PSD3: variants seen among roughly 807,000 people sequenced by gnomAD.
The protein encoded by PSD3 is PH and SEC7 domain-containing protein 3.
In PSD3, 49 loss-of-function variants were observed where a neutral mutation model predicts 105.5. The ratio of observed to expected loss-of-function variants is 0.46; its 90% confidence interval spans 0.37 to 0.59. The LOEUF (loss-of-function observed/expected upper bound fraction) is 0.59, where lower values mean the gene tolerates loss of function less well. Among genes scored for constraint, PSD3 ranks in the 20% least tolerant of loss-of-function variants. PSD3 has a pLI of 0.00. For missense variants in PSD3, 1,561 were observed against 1,263.8 expected (o/e 1.24, Z -3.57); for synonymous variants, 557 against 457.8 (o/e 1.22, Z -2.77).
At chr8:18,773,898 C>T (rs574210698) in intron 8 of PSD3, among the ~76,000 whole-genome samples, 50 of 152,242 alleles carry the variant, frequency 3.3e-4, no homozygotes, top group African/African-American at 1.2e-3. Context: ...AAAGATCTTT[C>T]CACTTTTACA....
chr8:18,696,237 C>T (rs1188095814), intron 9 of PSD3, among the ~76,000 whole-genome samples: 3 of 152,234 alleles, frequency 2.0e-5, no homozygotes, highest in African/African-American at 7.2e-5. Flanking sequence ...GCTTCCTTTC[C>T]ACCTCCTCCT....
At chr8:18,919,290 C>G (rs550768092) in intron 2 of PSD3, among the ~76,000 whole-genome samples, 48 of 152,178 alleles carry the variant, frequency 3.2e-4, no homozygotes, top group African/African-American at 1.1e-3. Flanking sequence ...TGCTTTATCT[C>G]AGAAATCTCT....
intron 11 of PSD3, among the ~76,000 whole-genome samples, chr8:18,607,421 G>A (rs994293158): frequency 6.6e-6 from 1 of 152,090 alleles, no homozygotes; most frequent in Non-Finnish European, 1.5e-5. Context: ...AGGGATCCAC[G>A]GTTATAACCT....
intron 12 of PSD3, among the ~76,000 whole-genome samples, chr8:18,588,955 C>T (rs1803397348): frequency 6.6e-6 from 1 of 152,168 alleles, no homozygotes; most frequent in Non-Finnish European, 1.5e-5. Context: ...GCTAGGTATT[C>T]AGAGAAACGG....
chr8:18,801,843 T>A (rs969793438), intron 6 of PSD3, among the ~76,000 whole-genome samples: 1 of 151,650 alleles, frequency 6.6e-6, no homozygotes, highest in African/African-American at 2.4e-5. Context: ...AAAAAAAAAA[T>A]GTCCACTTAA....
chr8:18,871,818 C>A lies in PSD3; in HGVS notation c.1046G>T (p.Gly349Val), dbSNP rs73202143. 18,192 of 1,614,194 alleles carry A rather than the reference C, an allele frequency of 0.011. 123 individuals carry two copies. Among genetic ancestry groups the A allele is most frequent in the Non-Finnish European group, 0.014 (16,405 of 1,180,024 alleles). ...KVPRHLISSA[G>V]LCNSSSLTEN... ...AGTTAAACTACTTGAATTACACAAA[C>A]CAGCTGATGAGATGAGATGGCGTGG... The change falls in exon 3 of 16, where the codon GGT becomes GTT. Residue 349 changes from glycine (G) to valine (V), a missense_variant. Physicochemically the swap from Gly to Val is moderately radical, Grantham distance 109 (BLOSUM62 -3). Coordinates refer to ENST00000327040, the MANE Select transcript of PSD3 (RefSeq NM_015310.4).
intron 1 of PSD3, among the ~76,000 whole-genome samples, chr8:18,949,838 C>G (rs953260342): frequency 6.6e-6 from 1 of 151,636 alleles, no homozygotes; most frequent in Admixed American, 6.6e-5. Flanking sequence ...AGTTCTCAGA[C>G]GAATAACACT....
At chr8:19,003,766 G>A (rs1367287661) in intron 1 of PSD3, among the ~76,000 whole-genome samples, 1 of 151,844 alleles carries the variant, frequency 6.6e-6, no homozygotes, top group Non-Finnish European at 1.5e-5. Flanking sequence ...TTGGGGACTT[G>A]GGTTGTCTTG....
intron 12 of PSD3, among the ~76,000 whole-genome samples, chr8:18,593,597 C>G (rs192798623): frequency 0.035 from 5,336 of 152,060 alleles, 294 homozygotes; most frequent in East Asian, 0.22. Flanking sequence ...CTAGAAATAC[C>G]ATTTGACCCA....
At chr8:18,760,476 G>C (rs1040492165) in intron 9 of PSD3, among the ~76,000 whole-genome samples, 1 of 151,916 alleles carries the variant, frequency 6.6e-6, no homozygotes, top group African/African-American at 2.4e-5. Flanking sequence ...AGATTCCACT[G>C]TAAGTGAGAT....
chr8:18,628,419 G>A (rs916653391), intron 11 of PSD3, among the ~76,000 whole-genome samples: 7 of 151,706 alleles, frequency 4.6e-5, no homozygotes, highest in African/African-American at 1.7e-4. Context: ...TGCAGGGCAG[G>A]GAAAAATGAA....
chr8:18,645,325 A>C (rs955050152), intron 10 of PSD3, among the ~76,000 whole-genome samples: 1 of 152,204 alleles, frequency 6.6e-6, no homozygotes, highest in African/African-American at 2.4e-5. Context: ...TTTAGCTAAC[A>C]ATTTTTTAAT....
chr8:18,584,924 C>T (rs185414696), intron 12 of PSD3, among the ~76,000 whole-genome samples: 65 of 151,970 alleles, frequency 4.3e-4, no homozygotes, highest in Non-Finnish European at 5.4e-4. Context: ...GGAGAGGGAG[C>T]GGAGGCATGT....
At chr8:18,846,308 G>A (rs370401399) in intron 4 of PSD3, among the ~76,000 whole-genome samples, 5 of 152,198 alleles carry the variant, frequency 3.3e-5, no homozygotes, top group Admixed American at 6.5e-5. Flanking sequence ...GGCACAAGTA[G>A]GCCCTTCAAC....
rs1248890963 is a variant in PSD3, at chr8:18,532,856, C to T, written c.*2887G>A. ...GGTCAATTTTGCAACAACACTATGA[C>T]CAAGGCATTCTGATAGCTGTCAAGA... On this transcript the variant is annotated 3_prime_UTR_variant, in exon 16 of 16. Transcript: ENST00000327040. 1.3e-5 allele frequency: 2 copies of T among 152,102 alleles called. No homozygotes were observed. Among genetic ancestry groups the T allele is most frequent in the African/African-American group, 2.4e-5 (1 of 41,404 alleles). The allele number at this position is 152,102 out of a possible 1,614,324, so 9.4% of individuals were successfully genotyped here.
intron 1 of PSD3, among the ~76,000 whole-genome samples, chr8:19,078,840 C>T (rs1506896): frequency 0.59 from 88,805 of 150,566 alleles, 27,522 homozygotes; most frequent in Middle Eastern, 0.72. Flanking sequence ...GGGAGATGAG[C>T]AAGCAGATGG....
intron 1 of PSD3, among the ~76,000 whole-genome samples, chr8:18,966,873 C>T (rs1171521365): frequency 2.0e-5 from 3 of 152,016 alleles, no homozygotes; most frequent in African/African-American, 7.2e-5. Flanking sequence ...TAAATGATAC[C>T]TAAAAGCATG....
rs1829745797 is a variant in PSD3, at chr8:19,084,486, C to T, written c.44G>A (p.Trp15Ter). The T allele has an allele frequency of 2.2e-6, 1 of 448,290 alleles. No homozygotes were observed. The highest frequency in any genetic ancestry group is 2.0e-5 in the African/African-American group (1 of 49,978). The allele number at this position is 448,290 out of a possible 1,614,324, so 27.8% of individuals were successfully genotyped here. A position where few individuals can be genotyped will look rare whatever the true frequency, so the allele number is the denominator to read the frequency against. ...ATCCTGGGTGGCAGAAGTGACTGGC[C>T]AGTGCTTCCAGCCCATGGAGGGACT... The change falls in exon 1 of 2, where the codon TGG becomes TAG. Residue 15 changes from tryptophan (W) to a stop codon, truncating the protein, a stop_gained. Coordinates refer to the PSD3 transcript ENST00000521475. LOFTEE classifies it high-confidence loss of function.
intron 9 of PSD3, among the ~76,000 whole-genome samples, chr8:18,742,885 A>C (rs888703201): frequency 7.2e-5 from 11 of 152,316 alleles, no homozygotes; most frequent in African/African-American, 2.2e-4. Flanking sequence ...GTAATTAGTT[A>C]ATCTTCCAAG....
Sources: allele counts gnomAD v4.1 joint callset (sites outside exome capture counted in the v4.1 genomes callset), GRCh38; gene constraint gnomAD v4.1.1; transcripts MANE v1.5; gene names NCBI Gene and HGNC (gene_info 2026-07-23, HGNC 2026-07-21).